The following IPPK variants were observed in gnomAD, a reference collection of about 807,000 sequenced individuals.
IPPK encodes inositol-pentakisphosphate 2-kinase.
In IPPK, 22 loss-of-function variants were observed where a neutral mutation model predicts 64.6. That is an observed-to-expected ratio of 0.34 (90% CI 0.24 to 0.49). IPPK has a LOEUF of 0.49. IPPK is among the 20% of genes least tolerant of loss of function. IPPK has a pLI of 0.99. For synonymous variants in IPPK, 262 were observed against 247.2 expected (o/e 1.06, Z -0.56); for missense variants, 532 against 630.7 (o/e 0.84, Z 1.68).
intron 1 of IPPK, among the ~76,000 whole-genome samples, chr9:92,659,325 G>A (rs186210148): frequency 1.3e-5 from 2 of 152,220 alleles, no homozygotes; most frequent in East Asian, 1.9e-4. Flanking sequence ...CTATACCCAC[G>A]ATCTGAGTAC....
At chr9:92,641,480 G>A (rs1007475483) in intron 7 of IPPK, among the ~76,000 whole-genome samples, 9 of 152,112 alleles carry the variant, frequency 5.9e-5, no homozygotes, top group Non-Finnish European at 1.0e-4. Context: ...GTTCTGACAC[G>A]TTAATAAATT....
chr9:92,642,632 C>T (rs936577888), intron 7 of IPPK, 120 bp downstream of exon 7: 7 of 808,212 alleles, frequency 8.7e-6, no homozygotes, highest in Non-Finnish European at 1.5e-5. Flanking sequence ...GCCCTGAAGA[C>T]AGAACAGGGC....
intron 1 of IPPK, 108 bp from the exon 2 acceptor site, chr9:92,658,789 T>G: frequency 4.0e-6 from 4 of 1,011,978 alleles, no homozygotes; most frequent in Non-Finnish European, 6.0e-6. Context: ...ACAGTGAAGC[T>G]CCACAGCAAG....
intron 4 of IPPK, among the ~76,000 whole-genome samples, chr9:92,651,067 C>G (rs1852257851): frequency 6.6e-6 from 1 of 152,170 alleles, no homozygotes; most frequent in Non-Finnish European, 1.5e-5. Context: ...GCTCAGACTG[C>G]ATTCACCGAG....
chr9:92,665,807 T>C (rs1852583525), intron 1 of IPPK, among the ~76,000 whole-genome samples: 1 of 151,744 alleles, frequency 6.6e-6, no homozygotes, highest in Non-Finnish European at 1.5e-5. Context: ...AAAATCATGC[T>C]GTATGGCAAA....
chr9:92,619,694 G>A (rs554530144), intron 11 of IPPK, 129 bp from the exon 12 acceptor site: 66 of 824,488 alleles, frequency 8.0e-5, no homozygotes, highest in Non-Finnish European at 1.2e-4. Context: ...GATTAGGAGC[G>A]AGGGCCACGG....
rs80057887 is a variant in IPPK, at chr9:92,628,323, C to T, written c.1170+6063G>A. Among the ~76,000 whole-genome samples, 593 of 152,270 alleles carry T rather than the reference C, an allele frequency of 3.9e-3. 2 individuals are homozygous for T. Among genetic ancestry groups the T allele is most frequent in the African/African-American group, 0.013 (554 of 41,542 alleles). ...GGCTTCTTTGTAGACGAAGCTGATT[C>T]TAAAATTCATATGGAATTACAAGAG... On this transcript the variant is annotated intron_variant, in intron 11 of 12. Coordinates refer to ENST00000287996, the MANE Select transcript of IPPK (RefSeq NM_022755.6).
At chr9:92,652,106 A>G (rs934405887) in intron 4 of IPPK, among the ~76,000 whole-genome samples, 2 of 152,074 alleles carry the variant, frequency 1.3e-5, no homozygotes, top group Admixed American at 6.6e-5. Context: ...AATTGTATCC[A>G]TGAGCTCCCA....
chr9:92,618,111 G>C (rs936070856), intron 12 of IPPK: 1 of 393,912 alleles, frequency 2.5e-6, no homozygotes, highest in Non-Finnish European at 5.1e-6. Flanking sequence ...TCACAGGTGC[G>C]GCCACTGCGC....
intron 1 of IPPK, among the ~76,000 whole-genome samples, chr9:92,659,071 T>A (rs1025190431): frequency 1.3e-5 from 2 of 152,246 alleles, no homozygotes; most frequent in African/African-American, 4.8e-5. Flanking sequence ...TTTGTGGTTA[T>A]CACATACTGT....
intron 8 of IPPK, among the ~76,000 whole-genome samples, chr9:92,639,667 A>G (rs1852009870): frequency 6.6e-6 from 1 of 152,230 alleles, no homozygotes; most frequent in Non-Finnish European, 1.5e-5. Flanking sequence ...GCCTTATGAC[A>G]GGCTTCAAAC....
At chr9:92,663,899 A>C (rs1044098483) in intron 1 of IPPK, among the ~76,000 whole-genome samples, 1 of 152,248 alleles carries the variant, frequency 6.6e-6, no homozygotes, top group African/African-American at 2.4e-5. Context: ...AAGACAGAAA[A>C]AGACAACAGC....
At chr9:92,619,184 T>C (rs970231589) in intron 12 of IPPK, 3 of 320,608 alleles carry the variant, frequency 9.4e-6, no homozygotes, top group Non-Finnish European at 1.8e-5. Flanking sequence ...GGGAATGCAA[T>C]GGGCAGCTCA....
At chr9:92,621,022 C>T (rs75759815) in intron 11 of IPPK, among the ~76,000 whole-genome samples, 1,728 of 152,322 alleles carry the variant, frequency 0.011, 24 homozygotes, top group African/African-American at 0.038. Context: ...TGGCGAGAGC[C>T]GACTTCCTTA....
chr9:92,661,489 A>G (rs1199892160), intron 1 of IPPK, among the ~76,000 whole-genome samples: 1 of 152,176 alleles, frequency 6.6e-6, no homozygotes, highest in Non-Finnish European at 1.5e-5. Flanking sequence ...AGAGAAGCCC[A>G]AAGTGGCCCT....
In IPPK at chr9:92,638,101, G is replaced by A; in HGVS notation, c.816C>T (p.Gly272=). 6.2e-7 allele frequency: 1 copy of A among 1,613,926 alleles called. No homozygotes were observed. Among genetic ancestry groups the A allele is most frequent in the African/African-American group, 1.3e-5 (1 of 75,072 alleles). The change falls in exon 9 of 13, where the codon GGC becomes GGT. Residue 272 remains glycine (G), a synonymous_variant. Coordinates refer to ENST00000287996, the MANE Select transcript of IPPK (RefSeq NM_022755.6). ...VHVITRVLLS[G]SDKGRAGTLS... The stretch of plus-strand genomic sequence containing the variant: ...GGGTGCCTGCCCGGCCCTTGTCCGA[G>A]CCACTCAGCAGCACCCGTGTGATCA...
intron 3 of IPPK, among the ~76,000 whole-genome samples, chr9:92,652,933 C>CCAGCT (rs1852297566): frequency 6.6e-6 from 1 of 152,154 alleles, no homozygotes. Flanking sequence ...AGCCTCAAAG[C>CCAGCT]CAGCTTCTCT....
chr9:92,642,687 G>T (rs1339119643), intron 7 of IPPK, 65 bp downstream of exon 7: 11 of 1,421,164 alleles, frequency 7.7e-6, no homozygotes, highest in Non-Finnish European at 1.1e-5. Flanking sequence ...ACCAGGCACT[G>T]GCCCCCGCCC....
rs531041840 is a variant in IPPK at position 92,649,493 on chromosome 9, C to T, written c.374G>A (p.Arg125His). 5.0e-6 allele frequency: 8 copies of T among 1,614,058 alleles called. No individual in the cohort carries two copies. The highest frequency in any genetic ancestry group is 2.2e-5 in the East Asian group (1 of 44,884). ...CAGAATCGGCCGGTGCTCTGCAAAG[C>T]GGTAGGTTTGGAGTCTGGTTAAATT... is the stretch of plus-strand genomic sequence containing the variant. ...LPNLTRLQTY[R>H]FAEHRPILCV... Residue 125 changes from arginine to histidine, a missense_variant, in exon 5 of 13, where the codon CGC (arginine) becomes CAC (histidine). By Grantham distance (29) the Arg-to-His change is conservative. Transcript: ENST00000287996.
Sources: gnomAD v4.1 joint callset for allele counts (sites outside exome capture counted in the v4.1 genomes callset) on GRCh38, gnomAD v4.1.1 for gene constraint, MANE v1.5 for transcripts, NCBI Gene and HGNC (gene_info 2026-07-23, HGNC 2026-07-21) for gene names.